Variants in MATN3 observed in about 807,000 individuals in gnomAD.
MATN3 encodes the protein matrilin 3.
In MATN3, 48 loss-of-function variants were observed where a neutral mutation model predicts 45.3. That is an observed-to-expected ratio of 1.06 (90% confidence interval 0.84 to 1.35). The LOEUF (loss-of-function observed/expected upper bound fraction) is 1.35, where lower values mean the gene tolerates loss of function less well. Ranked by LOEUF, MATN3 falls within the 40% of genes most tolerant of loss-of-function variation. MATN3 has a pLI of 0.00. For synonymous variants in MATN3, 217 were observed against 245.9 expected, an observed-to-expected ratio of 0.88 and a Z score of 1.10; for missense variants, 599 against 628.0, an observed-to-expected ratio of 0.95 and a Z score of 0.49.
intron 1 of MATN3, among the ~76,000 whole-genome samples, chr2:20,010,067 T>TAGAAAAAAAAAAAAAAAAAA (rs1673188771): frequency 1.5e-5 from 1 of 68,706 alleles, no homozygotes; most frequent in African/African-American, 7.2e-5. Context: ...CTTCAAATAC[T>TAGAAAAAAAAAAAAAAAAAA]AAAAAAAAAA....
intron 1 of MATN3, among the ~76,000 whole-genome samples, chr2:20,007,838 G>T (rs147337731): frequency 3.3e-4 from 51 of 152,304 alleles, no homozygotes; most frequent in African/African-American, 1.2e-3. Flanking sequence ...GTACATTTTA[G>T]TGTTCATCTA....
At chr2:19,999,533 A>G (rs1672943815) in intron 5 of MATN3, among the ~76,000 whole-genome samples, 1 of 151,062 alleles carries the variant, frequency 6.6e-6, no homozygotes, top group Non-Finnish European at 1.5e-5. Flanking sequence ...ACTTGCTCAG[A>G]GGCAGAAACT....
At chr2:20,006,333 C>T in intron 1 of MATN3, 23 bp from the exon 2 acceptor site, 1 of 1,480,322 alleles carries the variant, frequency 6.8e-7, no homozygotes, top group Non-Finnish European at 9.0e-7. Context: ...AAGCAATGAT[C>T]AGACCACAAT....
chr2:19,996,443 G>A (rs955234449), intron 6 of MATN3, among the ~76,000 whole-genome samples: 4 of 152,162 alleles, frequency 2.6e-5, no homozygotes, highest in African/African-American at 9.7e-5. Flanking sequence ...CACCTCATTA[G>A]TAACCAGGAA....
At chr2:19,996,985 T>C (rs1026879167) in intron 6 of MATN3, 149 bp downstream of exon 6, 3 of 714,800 alleles carry the variant, frequency 4.2e-6, no homozygotes, top group African/African-American at 3.6e-5. Context: ...TATAGGGGTA[T>C]CATTGTTTTA....
At chr2:20,002,863 A>G (rs1673013940) in intron 3 of MATN3, among the ~76,000 whole-genome samples, 1 of 151,938 alleles carries the variant, frequency 6.6e-6, no homozygotes, top group Non-Finnish European at 1.5e-5. Context: ...CAGCCTCCCA[A>G]AATGTGGGAA....
chr2:20,012,312 C>G lies in MATN3; in HGVS notation c.223+97G>C, dbSNP rs886763543. On this transcript the variant is annotated intron_variant, in intron 1 of 7. Coordinates refer to ENST00000407540, the MANE Select transcript of MATN3 (RefSeq NM_002381.5). The surrounding 1 kb of genome is among the most constrained non-coding windows in gnomAD (Gnocchi z 4.3). ...CGGGAGGGGCCTCTTTCCCCCGCAC[C>G]ACGGTCGGCCTGAGGCCGGGATGAA... 1.9e-4 allele frequency: 180 copies of G among 964,276 alleles called. No individual in the cohort carries two copies. The Middle Eastern group carries it at 2.3e-3, about 12-fold the overall frequency. The allele number at this position is 964,276 out of a possible 1,614,324, so 59.7% of individuals were successfully genotyped here.
At chr2:20,004,721 G>A (rs769375142) in intron 2 of MATN3, among the ~76,000 whole-genome samples, 42 of 152,152 alleles carry the variant, frequency 2.8e-4, no homozygotes, top group Non-Finnish European at 5.3e-4. Context: ...CCCCCAGAAT[G>A]TTACTTAATG....
Position 20,005,969 on chromosome 2 carries a change from T to A in MATN3, c.565A>T (p.Lys189Ter), listed in dbSNP as rs1460138901. 6.2e-7 allele frequency: 1 copy of A among 1,613,928 alleles called. No individual in the cohort carries two copies. Among genetic ancestry groups the A allele is most frequent in the Non-Finnish European group, 8.5e-7 (1 of 1,179,852 alleles). The change falls in exon 2 of 8, where the codon AAG (lysine) becomes TAG (stop). Residue 189 changes from lysine (K) to a stop codon, truncating the protein, a stop_gained. Transcript: ENST00000407540. LOFTEE classifies it high-confidence loss of function. The part of the protein sequence containing the change: ...GAREPSSNIP[K>*]VAIIVTDGRP... ...CCATCTGTAACAATGATGGCCACCTTAGGGATGTTAGAAGAGGGCTCTCGA... is the reference window on the plus strand; with the variant it reads ...CCATCTGTAACAATGATGGCCACCTAAGGGATGTTAGAAGAGGGCTCTCGA...
intron 1 of MATN3, among the ~76,000 whole-genome samples, chr2:20,007,529 C>CA (rs201207853): frequency 2.6e-5 from 4 of 151,162 alleles, no homozygotes; most frequent in South Asian, 2.1e-4. Flanking sequence ...GACATCATCT[C>CA]AAAAAAAAAG....
chr2:19,996,622 G>T (rs928854299), intron 6 of MATN3, among the ~76,000 whole-genome samples: 2 of 152,234 alleles, frequency 1.3e-5, no homozygotes, highest in Admixed American at 1.3e-4. Context: ...GATGCAGGAA[G>T]AAGCAGTGAA....
chr2:19,997,496 A>G (rs977609311), intron 5 of MATN3: 1 of 383,780 alleles, frequency 2.6e-6, no homozygotes, highest in African/African-American at 2.1e-5. Context: ...CAGATATCTA[A>G]GGGTACCTTT....
At position 20,005,811 on chromosome 2, in the gene MATN3, A is replaced by C; in HGVS notation, c.723T>G (p.His241Gln). The C allele has an allele frequency of 1.2e-6, 2 of 1,611,166 alleles. No individual in the cohort carries two copies. Among genetic ancestry groups the C allele is most frequent in the South Asian group, 1.1e-5 (1 of 90,278 alleles). The change falls in exon 2 of 8, where the codon CAT (histidine) becomes CAG (glutamine). Residue 241 changes from histidine (H) to glutamine (Q), a missense_variant. Coordinates refer to ENST00000407540, the MANE Select transcript of MATN3 (RefSeq NM_002381.5). ...CCCCATAGGTCTCCACGTAGAAAAC[A>C]TGCTCCTCTAGGGGCTCACTGGCCA... is the stretch of plus-strand genomic sequence containing the variant. Reference protein sequence around the residue: ...KMMASEPLEEHVFYVETYGVI... With the variant: ...KMMASEPLEEQVFYVETYGVI...
At chr2:20,008,255 G>T (rs1376569741) in intron 1 of MATN3, among the ~76,000 whole-genome samples, 1 of 152,150 alleles carries the variant, frequency 6.6e-6, no homozygotes, top group East Asian at 1.9e-4. Flanking sequence ...GAGCCACTGT[G>T]CCCAGCCCTA....
At chr2:20,003,965 C>G (rs1673042704) in intron 2 of MATN3, 1 of 152,208 alleles carries the variant, frequency 6.6e-6, no homozygotes, top group South Asian at 2.1e-4. Flanking sequence ...TAAACTACAT[C>G]TCCATCTTAT....
chr2:20,007,260 G>A (rs891820664), intron 1 of MATN3, among the ~76,000 whole-genome samples: 1 of 151,916 alleles, frequency 6.6e-6, no homozygotes, highest in African/African-American at 2.4e-5. Flanking sequence ...GGGCGCGGTG[G>A]CTCACGCCTG....
chr2:20,004,356 A>T (rs1673053848), intron 2 of MATN3: 1 of 152,222 alleles, frequency 6.6e-6, no homozygotes, highest in African/African-American at 2.4e-5. Context: ...TTGAAACCCA[A>T]CTTTGCCACA....
At chr2:20,009,406 A>G (rs1288839085) in intron 1 of MATN3, among the ~76,000 whole-genome samples, 1 of 152,022 alleles carries the variant, frequency 6.6e-6, no homozygotes, top group Non-Finnish European at 1.5e-5. Context: ...ACATGTTCTC[A>G]CTCATAAGTG....
In MATN3 at chr2:19,997,127, T is replaced by C. The variant is rs1182269772; in HGVS notation, c.1294+7A>G. On this transcript the variant is annotated splice_region_variant and intron_variant, in intron 6 of 7. Transcript: ENST00000407540. ...AAAGGAAATAGCCTTAAAGGGCTGA[T>C]CCTCACCTGAACATGTTTTCTTGTC... 6 of 1,613,524 alleles carry C rather than the reference T, an allele frequency of 3.7e-6. No homozygotes were observed. The highest frequency in any genetic ancestry group is 2.2e-5 in the East Asian group (1 of 44,876).
Sources: allele counts gnomAD v4.1 joint callset (sites outside exome capture counted in the v4.1 genomes callset), GRCh38; gene constraint gnomAD v4.1.1; non-coding constraint Gnocchi (gnomAD v3.1); transcripts MANE v1.5; gene names NCBI Gene and HGNC (gene_info 2026-07-23, HGNC 2026-07-21).